Variants in PDE10A observed in about 807,000 individuals in gnomAD.
The protein encoded by PDE10A is cAMP and cAMP-inhibited cGMP 3',5'-cyclic phosphodiesterase 10A.
A neutral mutation model predicts 97.7 loss-of-function variants in PDE10A; 39 were observed. The ratio of observed to expected loss-of-function variants is 0.40; its 90% CI spans 0.31 to 0.52. PDE10A has a LOEUF of 0.52. Among genes scored for constraint, PDE10A ranks in the 20% least tolerant of loss-of-function variants. The pLI is 0.56. For synonymous variants in PDE10A, 371 were observed against 376.8 expected, an observed-to-expected ratio of 0.98 and a Z score of 0.18; for missense variants, 731 against 1,047.8, an observed-to-expected ratio of 0.70 and a Z score of 4.17.
intron 1 of PDE10A, among the ~76,000 whole-genome samples, chr6:165,592,712 T>C (rs1786350964): frequency 6.6e-6 from 1 of 152,210 alleles, no homozygotes; most frequent in Non-Finnish European, 1.5e-5. Flanking sequence ...CCAGCATCAC[T>C]CGTCATTAGA....
chr6:165,643,007 C>G (rs1369909780), intron 1 of PDE10A, among the ~76,000 whole-genome samples: 1 of 152,168 alleles, frequency 6.6e-6, no homozygotes, highest in African/African-American at 2.4e-5. Context: ...CACCAAACAA[C>G]CTTCCTGGAA....
At chr6:165,369,012 G>A (rs1164149488) in intron 18 of PDE10A, among the ~76,000 whole-genome samples, 2 of 152,024 alleles carry the variant, frequency 1.3e-5, no homozygotes, top group African/African-American at 4.8e-5. Context: ...ACCTGCAGCT[G>A]AGGGTCCTGT....
chr6:165,345,772 A>G (rs1477469991), intron 18 of PDE10A, among the ~76,000 whole-genome samples: 1 of 152,262 alleles, frequency 6.6e-6, no homozygotes, highest in Admixed American at 6.5e-5. Context: ...AGTTACAGCA[A>G]AGAACCAAAT....
chr6:165,523,425 T>C (rs1379070112), intron 2 of PDE10A, among the ~76,000 whole-genome samples: 1 of 151,880 alleles, frequency 6.6e-6, no homozygotes, highest in Non-Finnish European at 1.5e-5. Context: ...AACAGACACA[T>C]AGAGCAATGA....
At position 165,662,942 on chromosome 6, in the gene PDE10A, C is replaced by T. The variant is rs542705471; in HGVS notation, c.-131G>A. ...GCCCGAACCGCTGCCTGGTCCTCCT[C>T]TCCGGTCTTCGGCTTCCCTCCCAGT... On this transcript the variant is annotated 5_prime_UTR_variant, in exon 1 of 22. Coordinates refer to ENST00000539869, the MANE Select transcript of PDE10A (RefSeq NM_001385079.1). 4.8e-4 allele frequency among the ~76,000 whole-genome samples: 73 copies of T among 151,382 alleles called. No individual in the cohort carries two copies. The highest frequency in any genetic ancestry group is 7.8e-4 in the Non-Finnish European group (53 of 67,680).
At chr6:165,610,344 C>A (rs1247027051) in intron 1 of PDE10A, among the ~76,000 whole-genome samples, 3 of 151,968 alleles carry the variant, frequency 2.0e-5, no homozygotes, top group Non-Finnish European at 4.4e-5. Flanking sequence ...GAGATCGAGA[C>A]CATGGTGAAA....
chr6:165,511,616 T>C (rs1212440082), intron 2 of PDE10A, among the ~76,000 whole-genome samples: 1 of 152,024 alleles, frequency 6.6e-6, no homozygotes, highest in Non-Finnish European at 1.5e-5. Flanking sequence ...AGGCGGATGT[T>C]GAAATTCCCC....
chr6:165,559,666 G>T lies in PDE10A; in HGVS notation c.866-16098C>A, dbSNP rs375659697. 2.0e-5 allele frequency among the ~76,000 whole-genome samples: 3 copies of T among 152,108 alleles called. No individual in the cohort carries two copies. In the East Asian group the frequency reaches 5.8e-4, roughly 29 times the overall value. ...AGAATTTGAAGACAGTCCCTAATAT[G>T]GTTTGGCTCTGTGTCCCCACCCACA... is the stretch of plus-strand genomic sequence containing the variant. On this transcript the variant is annotated intron_variant, in intron 1 of 21. Transcript: ENST00000539869.
upstream of PDE10A, among the ~76,000 whole-genome samples, chr6:165,667,018 A>C (rs566789728): frequency 1.3e-5 from 2 of 152,306 alleles, no homozygotes; most frequent in South Asian, 4.1e-4. Flanking sequence ...TGACCAAAGT[A>C]AGGGATAGCT....
chr6:165,530,126 G>T (rs892829411), intron 2 of PDE10A, among the ~76,000 whole-genome samples: 6 of 152,078 alleles, frequency 3.9e-5, no homozygotes, highest in Non-Finnish European at 1.5e-5. Context: ...CATGCTGGAT[G>T]CTTCCTGCCC....
chr6:165,391,281 T>A (rs1785694145), intron 16 of PDE10A, among the ~76,000 whole-genome samples: 1 of 152,238 alleles, frequency 6.6e-6, no homozygotes, highest in African/African-American at 2.4e-5. Context: ...AACGATCTGA[T>A]GTTTTGGGAA....
intron 1 of PDE10A, among the ~76,000 whole-genome samples, chr6:165,738,719 A>G (rs1202727833): frequency 3.3e-5 from 5 of 152,040 alleles, no homozygotes; most frequent in Non-Finnish European, 7.3e-5. Flanking sequence ...CTGGTGTGAG[A>G]TGATATCTCA....
intron 2 of PDE10A, among the ~76,000 whole-genome samples, chr6:165,524,059 G>A (rs1014882281): frequency 1.3e-5 from 2 of 152,162 alleles, no homozygotes; most frequent in African/African-American, 4.8e-5. Context: ...CTCCCATGCT[G>A]GATGCTTCCT....
intron 1 of PDE10A, among the ~76,000 whole-genome samples, chr6:165,748,444 G>T (rs1262209834): frequency 6.6e-6 from 1 of 152,148 alleles, no homozygotes; most frequent in Non-Finnish European, 1.5e-5. Flanking sequence ...ATGCACAAGC[G>T]CACTCTCCGT....
intron 1 of PDE10A, among the ~76,000 whole-genome samples, chr6:165,794,576 C>A (rs920503249): frequency 6.7e-6 from 1 of 149,984 alleles, no homozygotes; most frequent in African/African-American, 2.4e-5. Flanking sequence ...CACACACATT[C>A]CTACACACAC....
intron 18 of PDE10A, among the ~76,000 whole-genome samples, chr6:165,349,858 A>C (rs1782580798): frequency 6.6e-6 from 1 of 152,150 alleles, no homozygotes; most frequent in African/African-American, 2.4e-5. Flanking sequence ...GGTGGCTTAC[A>C]TGTGGTGTTG....
At chr6:165,442,294 TC>T (rs1266955355) in intron 5 of PDE10A, among the ~76,000 whole-genome samples, 1 of 151,214 alleles carries the variant, frequency 6.6e-6, no homozygotes, top group Non-Finnish European at 1.5e-5. Flanking sequence ...CCCTCCCCGC[TC>T]CCCCCACCCC....
At position 165,418,411 on chromosome 6, in the gene PDE10A, G is replaced by C. The variant is rs927663731; in HGVS notation, c.1796+224C>G. Among the ~76,000 whole-genome samples, 2 of 152,098 alleles carry C rather than the reference G, an allele frequency of 1.3e-5. No individual in the cohort carries two copies. The highest frequency in any genetic ancestry group is 4.2e-4 in the South Asian group (2 of 4,810). On this transcript the variant is annotated intron_variant, in intron 11 of 21. Transcript: ENST00000539869. The surrounding 1 kb of genome is among the most constrained non-coding windows in gnomAD (Gnocchi z 4.8). ...TCCAAAAGGACCGCCTCCGGAAGACGGCATTTCCAGGAGTGACGCTAAGGC... is the reference window on the plus strand; with the variant it reads ...TCCAAAAGGACCGCCTCCGGAAGACCGCATTTCCAGGAGTGACGCTAAGGC...
chr6:165,476,777 T>C (rs1448548995), intron 3 of PDE10A, among the ~76,000 whole-genome samples: 1 of 152,104 alleles, frequency 6.6e-6, no homozygotes, highest in Non-Finnish European at 1.5e-5. Flanking sequence ...AGAAAAAGAA[T>C]CAGAATGGTC....
Sources: allele counts gnomAD v4.1 joint callset (sites outside exome capture counted in the v4.1 genomes callset), GRCh38; gene constraint gnomAD v4.1.1; non-coding constraint Gnocchi (gnomAD v3.1); transcripts MANE v1.5; gene names NCBI Gene and HGNC (gene_info 2026-07-23, HGNC 2026-07-21).